Variants in C7 observed in about 807,000 individuals in gnomAD.
C7 encodes the protein complement C7, also known as complement component C7.
Under a neutral mutation model 104.8 loss-of-function variants are expected in C7, and 83 were observed. The ratio of observed to expected loss-of-function variants is 0.79; its 90% CI spans 0.66 to 0.95. The LOEUF (loss-of-function observed/expected upper bound fraction) is 0.95. Ranked by LOEUF, C7 falls within the 40% of genes least tolerant of loss-of-function variation. The pLI is 0.00. For missense variants in C7, 1,070 were observed against 1,011.2 expected (o/e 1.06, Z -0.79); for synonymous variants, 415 against 360.6 (o/e 1.15, Z -1.71).
intron 10 of C7, among the ~76,000 whole-genome samples, chr5:40,956,624 T>C (rs532508498): frequency 6.6e-6 from 1 of 152,362 alleles, no homozygotes; most frequent in African/African-American, 2.4e-5. Flanking sequence ...AAACAAACAT[T>C]ATAGCAGAAC....
chr5:40,920,659 A>G (rs537414132), intron 1 of C7, among the ~76,000 whole-genome samples: 4 of 152,240 alleles, frequency 2.6e-5, no homozygotes, highest in Non-Finnish European at 5.9e-5. Flanking sequence ...AGTCCTAACG[A>G]TAGCAATTAG....
intron 7 of C7, 132 bp from the exon 8 acceptor site, chr5:40,947,470 G>A (rs1024106663): frequency 6.3e-5 from 62 of 987,264 alleles, no homozygotes; most frequent in South Asian, 5.0e-4. Context: ...CTCATCATGC[G>A]TCAAAAATAA....
In C7 at chr5:40,983,289, A is replaced by G. The variant is rs1364365393; in HGVS notation, c.*1716A>G. Among the ~76,000 whole-genome samples the G allele has an allele frequency of 6.6e-6, 1 of 152,224 alleles. No individual in the cohort carries two copies. The highest frequency in any genetic ancestry group is 1.5e-5 in the Non-Finnish European group (1 of 68,044). On this transcript the variant is annotated 3_prime_UTR_variant, in exon 18 of 18. Coordinates refer to ENST00000313164, the MANE Select transcript of C7 (RefSeq NM_000587.4). ...GGAAATACCTCAGTATCCTTCCAAT[A>G]ATTTCTCCTCTTAGCTTAAGCTAGT...
chr5:40,956,110 T>A (rs1351552545), intron 10 of C7, among the ~76,000 whole-genome samples: 2 of 152,106 alleles, frequency 1.3e-5, no homozygotes, highest in African/African-American at 4.8e-5. Context: ...AAAAATCAGG[T>A]TAGAGACACA....
At chr5:40,928,085 G>T (rs12110277) in intron 1 of C7, among the ~76,000 whole-genome samples, 34,363 of 151,896 alleles carry the variant, frequency 0.23, 4,033 homozygotes, top group East Asian at 0.31. Context: ...GCCTTAAAAA[G>T]GAGGAAATTC....
intron 1 of C7, among the ~76,000 whole-genome samples, chr5:40,918,346 G>T (rs1196852364): frequency 6.6e-6 from 1 of 151,748 alleles, no homozygotes; most frequent in Admixed American, 6.6e-5. Context: ...GGCAAGAGAG[G>T]CCCTATCTCC....
intron 10 of C7, among the ~76,000 whole-genome samples, chr5:40,957,019 CAG>C (rs990386726): frequency 6.6e-6 from 1 of 152,274 alleles, no homozygotes; most frequent in Admixed American, 6.5e-5. Flanking sequence ...AAAAAAGGAA[CAG>C]AGAAAGAAAA....
rs1740114650 is a variant in C7, at chr5:40,949,301, G to A, written c.983-603G>A. ...GGTTATTGTAATATAGTTAGTAAATGAGAAAATATATTTGCACATTTTAGT... is the reference window on the plus strand; with the variant it reads ...GGTTATTGTAATATAGTTAGTAAATAAGAAAATATATTTGCACATTTTAGT... On this transcript the variant is annotated intron_variant, in intron 8 of 17. Transcript: ENST00000313164. Among the ~76,000 whole-genome samples the A allele has an allele frequency of 2.0e-5, 3 of 150,258 alleles. No homozygotes were observed. In the South Asian group the frequency reaches 6.3e-4, roughly 31 times the overall value.
At chr5:40,970,313 G>C (rs1033543933) in intron 14 of C7, among the ~76,000 whole-genome samples, 2 of 152,126 alleles carry the variant, frequency 1.3e-5, no homozygotes, top group Non-Finnish European at 2.9e-5. Flanking sequence ...AAGTCCATTA[G>C]GGATATTAGC....
intron 12 of C7, among the ~76,000 whole-genome samples, chr5:40,961,272 T>A (rs1046590009): frequency 2.6e-5 from 4 of 152,240 alleles, no homozygotes; most frequent in Non-Finnish European, 4.4e-5. Flanking sequence ...TGAATTGAGA[T>A]AATGCATATA....
intron 9 of C7, among the ~76,000 whole-genome samples, chr5:40,953,435 G>T (rs976225081): frequency 5.9e-5 from 9 of 152,266 alleles, no homozygotes; most frequent in African/African-American, 2.2e-4. Context: ...GAGGTTAAGA[G>T]ATCGAGACCA....
rs374483929 is a variant in C7, at chr5:40,972,550, T to G, written c.2030T>G (p.Leu677Arg). The G allele has an allele frequency of 1.2e-6, 2 of 1,612,674 alleles. No homozygotes were observed. The highest frequency in any genetic ancestry group is 1.7e-5 in the Admixed American group (1 of 59,924). The part of the protein sequence containing the change: ...GPSAFLCGSS[L>R]KWSPEMKNAR... ...TCAGCATTTCTCTGTGGCTCCAGCCTTAAGTGGAGTCCTGAGATGAAGAAT... is the reference window on the plus strand; with the variant it reads ...TCAGCATTTCTCTGTGGCTCCAGCCGTAAGTGGAGTCCTGAGATGAAGAAT... The change falls in exon 15 of 18, where the codon CTT becomes CGT. Residue 677 changes from leucine (L) to arginine (R), a missense_variant. Coordinates refer to ENST00000313164, the MANE Select transcript of C7 (RefSeq NM_000587.4).
chr5:40,964,712 T>A, intron 13 of C7, 29 bp from the exon 14 acceptor site: 2 of 1,603,894 alleles, frequency 1.2e-6, no homozygotes, highest in Non-Finnish European at 1.7e-6. Context: ...GACAAACTCT[T>A]TCCTTTTCCA....
intron 14 of C7, among the ~76,000 whole-genome samples, chr5:40,968,103 CCT>C (rs1467442748): frequency 6.6e-6 from 1 of 151,072 alleles, no homozygotes; most frequent in Non-Finnish European, 1.5e-5. Flanking sequence ...ATCTTTTCCC[CCT>C]CTGTTTCATT....
At chr5:40,931,186 C>A in intron 3 of C7, 47 bp downstream of exon 3, 5 of 1,430,864 alleles carry the variant, frequency 3.5e-6, no homozygotes, top group Non-Finnish European at 4.9e-6. Context: ...TGCAGAAATA[C>A]TTTGGCATGG....
At chr5:40,913,891 G>A (rs1266157685) in intron 1 of C7, among the ~76,000 whole-genome samples, 2 of 152,112 alleles carry the variant, frequency 1.3e-5, no homozygotes, top group Non-Finnish European at 2.9e-5. Context: ...GTGTTAGTCA[G>A]GATGGTCTTG....
chr5:40,943,386 GC>G (rs1223134035), intron 6 of C7, among the ~76,000 whole-genome samples: 1 of 152,004 alleles, frequency 6.6e-6, no homozygotes, highest in African/African-American at 2.4e-5. Context: ...CAGGATCTAA[GC>G]TGGAAGAAGG....
chr5:40,942,499 A>G (rs986803021), intron 6 of C7, among the ~76,000 whole-genome samples: 6 of 152,184 alleles, frequency 3.9e-5, no homozygotes, highest in Non-Finnish European at 8.8e-5. Flanking sequence ...GCAGTTTAAG[A>G]GGTCTCTGAA....
chr5:40,977,002 G>A (rs933835633), intron 16 of C7, among the ~76,000 whole-genome samples, 162 bp downstream of exon 16: 1 of 152,164 alleles, frequency 6.6e-6, no homozygotes, highest in African/African-American at 2.4e-5. Flanking sequence ...ATTTGTCTGG[G>A]TCACTAGGGC....
Sources: gnomAD v4.1 joint callset for allele counts (sites outside exome capture counted in the v4.1 genomes callset) on GRCh38, gnomAD v4.1.1 for gene constraint, MANE v1.5 for transcripts, NCBI Gene and HGNC (gene_info 2026-07-23, HGNC 2026-07-21) for gene names.